Variants in MAP2K4 observed in about 807,000 individuals in gnomAD.
MAP2K4 encodes dual specificity mitogen-activated protein kinase kinase 4.
Under a neutral mutation model 48.5 loss-of-function variants are expected in MAP2K4, and 4 were observed. The ratio of observed to expected loss-of-function variants is 0.08; its 90% CI spans 0.04 to 0.19. MAP2K4 has a LOEUF of 0.19. Ranked by LOEUF, MAP2K4 falls within the 10% of genes least tolerant of loss-of-function variation. The pLI, the probability that MAP2K4 is intolerant of heterozygous loss-of-function variation, is 1.00. For missense variants in MAP2K4, 258 were observed against 493.3 expected, an observed-to-expected ratio of 0.52 and a Z score of 4.52; for synonymous variants, 166 against 173.1, an observed-to-expected ratio of 0.96 and a Z score of 0.32.
intron 2 of MAP2K4, among the ~76,000 whole-genome samples, chr17:12,069,258 G>T (rs1970711489): frequency 6.6e-6 from 1 of 152,154 alleles, no homozygotes; most frequent in South Asian, 2.1e-4. Flanking sequence ...GGAAATTGGG[G>T]CCTAAACAGG....
chr17:12,092,642 C>T, intron 3 of MAP2K4, among the ~76,000 whole-genome samples: 1 of 152,128 alleles, frequency 6.6e-6, no homozygotes, highest in East Asian at 1.9e-4. Flanking sequence ...TAGTTGATCC[C>T]CTTTTGGGGT....
At chr17:12,128,973 C>G (rs1051902760) in intron 8 of MAP2K4, among the ~76,000 whole-genome samples, 166 bp from the exon 9 acceptor site, 1 of 152,186 alleles carries the variant, frequency 6.6e-6, no homozygotes, top group African/African-American at 2.4e-5. Context: ...AATATAACTT[C>G]TACTTAGCCT....
At chr17:12,136,272 G>A (rs533683682) in intron 9 of MAP2K4, among the ~76,000 whole-genome samples, 65 of 152,150 alleles carry the variant, frequency 4.3e-4, no homozygotes, top group African/African-American at 1.5e-3. Flanking sequence ...TTCAAATATT[G>A]GAATGAAAGG....
intron 8 of MAP2K4, among the ~76,000 whole-genome samples, chr17:12,128,432 G>A (rs964352918): frequency 1.3e-5 from 2 of 152,124 alleles, no homozygotes; most frequent in African/African-American, 2.4e-5. Context: ...ATGAGAATAC[G>A]ATTCACTGGT....
intron 3 of MAP2K4, among the ~76,000 whole-genome samples, chr17:12,087,141 C>A (rs1362402207): frequency 2.0e-5 from 3 of 152,170 alleles, no homozygotes; most frequent in Non-Finnish European, 4.4e-5. Flanking sequence ...AGCTACCACG[C>A]CCAGCCAAAA....
rs754035296 is a variant in MAP2K4 at position 12,054,927 on chromosome 17, C to T, written c.154C>T (p.Pro52Ser). 1 of 1,612,308 alleles carries T rather than the reference C, an allele frequency of 6.2e-7. No homozygotes were observed. The highest frequency in any genetic ancestry group is 1.1e-5 in the South Asian group (1 of 90,996). ...KALKLNFANP[P>S]FKSTARFTLN... ...ACTGAAGTTGAATTTTGCAAATCCA[C>T]CTTTCAAATCTACAGCAAGGTTTAC... Residue 52 changes from proline (P) to serine (S), a missense_variant, in exon 2 of 11, where the codon CCT (proline) becomes TCT (serine). Coordinates refer to ENST00000353533, the MANE Select transcript of MAP2K4 (RefSeq NM_003010.4).
chr17:12,064,369 C>T (rs1380686812), intron 2 of MAP2K4, among the ~76,000 whole-genome samples: 2 of 152,138 alleles, frequency 1.3e-5, no homozygotes, highest in African/African-American at 2.4e-5. Flanking sequence ...GGCATTGAGC[C>T]GCTGGGCCAG....
intron 9 of MAP2K4, among the ~76,000 whole-genome samples, chr17:12,130,366 A>G (rs939078580): frequency 6.6e-6 from 1 of 152,214 alleles, no homozygotes; most frequent in African/African-American, 2.4e-5. Flanking sequence ...TTAAAAAACA[A>G]TCAATTCTGT....
At chr17:12,067,509 T>C (rs921491796) in intron 2 of MAP2K4, among the ~76,000 whole-genome samples, 1 of 152,156 alleles carries the variant, frequency 6.6e-6, no homozygotes, top group Admixed American at 6.5e-5. Flanking sequence ...TTGCTTCTTC[T>C]TAGGACCACT....
rs939332771 is a variant in MAP2K4, at chr17:12,069,495, T to C, written c.219-11861T>C. 3.3e-5 allele frequency among the ~76,000 whole-genome samples: 5 copies of C among 152,320 alleles called. 1 individual carries two copies. In the South Asian group the frequency reaches 1.0e-3, roughly 32 times the overall value. On this transcript the variant is annotated intron_variant, in intron 2 of 10. Coordinates refer to ENST00000353533, the MANE Select transcript of MAP2K4 (RefSeq NM_003010.4). The stretch of plus-strand genomic sequence containing the variant: ...TGTGGTGATAAAACATTTCTTTGTA[T>C]GTCATAAATCAGTACTACTTCAGAA...
chr17:12,114,000 T>TA (rs1972396429), intron 7 of MAP2K4, among the ~76,000 whole-genome samples: 1 of 152,218 alleles, frequency 6.6e-6, no homozygotes, highest in African/African-American at 2.4e-5. Context: ...CCCTAGGTGT[T>TA]AATGTCTTTC....
At chr17:12,079,402 A>G (rs1971118311) in intron 2 of MAP2K4, among the ~76,000 whole-genome samples, 1 of 152,206 alleles carries the variant, frequency 6.6e-6, no homozygotes, top group Non-Finnish European at 1.5e-5. Context: ...GAATGCTAGC[A>G]TAAGTATTAT....
chr17:12,067,418 C>T (rs1263162196), intron 2 of MAP2K4, among the ~76,000 whole-genome samples: 1 of 152,032 alleles, frequency 6.6e-6, no homozygotes, highest in Non-Finnish European at 1.5e-5. Context: ...TTGTGGGAGG[C>T]CGTCGTCCTG....
At chr17:12,045,116 C>G (rs1340267661) in intron 1 of MAP2K4, among the ~76,000 whole-genome samples, 5 of 152,168 alleles carry the variant, frequency 3.3e-5, no homozygotes, top group Non-Finnish European at 7.3e-5. Flanking sequence ...TGGGGCCACT[C>G]ACTAGAGCTC....
chr17:12,023,255 G>A (rs1969149013), intron 1 of MAP2K4, among the ~76,000 whole-genome samples: 1 of 152,136 alleles, frequency 6.6e-6, no homozygotes, highest in Admixed American at 6.5e-5. Flanking sequence ...TTGAACTTAA[G>A]CAGCAATTTA....
At chr17:12,131,651 A>G (rs1973028599) in intron 9 of MAP2K4, among the ~76,000 whole-genome samples, 1 of 152,128 alleles carries the variant, frequency 6.6e-6, no homozygotes, top group African/African-American at 2.4e-5. Context: ...ATATGGGAGA[A>G]TGTTTTCATT....
rs1970147101 is a variant in MAP2K4, at chr17:12,051,790, T to TG, written c.116-3097dup. Among the ~76,000 whole-genome samples the TG allele has an allele frequency of 2.0e-5, 3 of 152,140 alleles. No homozygotes were observed. In the South Asian group the frequency reaches 6.2e-4, roughly 31 times the overall value. ...TTGTCATTAAAAATATCTGAATACA[T>TG]GGTGACAGATTGCCTTTCGGTTTTG... On this transcript the variant is annotated intron_variant, in intron 1 of 10. Transcript: ENST00000353533.
intron 2 of MAP2K4, among the ~76,000 whole-genome samples, chr17:12,071,816 C>CT (rs1161123143): frequency 2.0e-5 from 3 of 152,014 alleles, no homozygotes; most frequent in African/African-American, 7.2e-5. Context: ...TGTTGAGAGC[C>CT]TTTTTGTCAT....
At position 12,027,824 on chromosome 17, in the gene MAP2K4, A is replaced by T. The variant is rs573477702; in HGVS notation, c.115+6823A>T. Among the ~76,000 whole-genome samples, 15 of 145,564 alleles carry T rather than the reference A, an allele frequency of 1.0e-4. No homozygotes were observed. In the South Asian group the frequency reaches 2.9e-3, roughly 28 times the overall value. On this transcript the variant is annotated intron_variant, in intron 1 of 10. Transcript: ENST00000353533. ...GGTGTGGATCTCCAGGGCTGTTTGG[A>T]GTCCTTCCCTTTTAATTCTCTCAAG... is the stretch of plus-strand genomic sequence containing the variant.
Sources: gnomAD v4.1 joint callset for allele counts (sites outside exome capture counted in the v4.1 genomes callset) on GRCh38, gnomAD v4.1.1 for gene constraint, MANE v1.5 for transcripts, NCBI Gene and HGNC (gene_info 2026-07-23, HGNC 2026-07-21) for gene names.